The following CASP10 variants were observed in gnomAD, a reference collection of about 807,000 sequenced individuals.
The protein encoded by CASP10 is caspase-10.
Under a neutral mutation model 48.5 loss-of-function variants are expected in CASP10, and 41 were observed. The observed-to-expected ratio is 0.85, with a 90% CI of 0.66 to 1.10. The LOEUF is 1.10. CASP10 is among the 50% of genes least tolerant of loss of function. The pLI, the probability that CASP10 is intolerant of heterozygous loss-of-function variation, is 0.00. For missense variants in CASP10, 614 were observed against 614.5 expected, an observed-to-expected ratio of 1.00 and a Z score of 0.01; for synonymous variants, 232 against 238.4, an observed-to-expected ratio of 0.97 and a Z score of 0.25.
In CASP10 at chr2:201,195,840, A is replaced by G. The variant is rs765626187; in HGVS notation, c.578-2A>G. The G allele has an allele frequency of 6.2e-7, 1 of 1,604,656 alleles. No homozygotes were observed. The highest frequency in any genetic ancestry group is 1.1e-5 in the South Asian group (1 of 90,892). The stretch of plus-strand genomic sequence containing the variant: ...TTTTTCTGTCTGTGATTTTATTTTC[A>G]GCTATCCAGATAGTGACACCTCCTG... On this transcript the variant is annotated splice_acceptor_variant, in intron 4 of 9. Transcript: ENST00000286186. LOFTEE classifies it high-confidence loss of function.
chr2:201,209,845 A>G (rs1365216299), intron 9 of CASP10, among the ~76,000 whole-genome samples: 2 of 152,174 alleles, frequency 1.3e-5, no homozygotes, highest in African/African-American at 4.8e-5. Context: ...CTGGAAAGGA[A>G]GATACAGAGT....
At chr2:201,200,573 G>T (rs1944981030) in intron 5 of CASP10, 20 of 1,582,566 alleles carry the variant, frequency 1.3e-5, no homozygotes, top group Non-Finnish European at 1.7e-5. Context: ...ACATGACACA[G>T]AGCCGGGAGA....
At chr2:201,208,968 G>T in intron 8 of CASP10, 102 bp from the exon 9 acceptor site, 1 of 1,329,790 alleles carries the variant, frequency 7.5e-7, no homozygotes, top group Non-Finnish European at 1.0e-6. Flanking sequence ...GTGAGCCACT[G>T]TGCCCGGCCT....
In CASP10 at chr2:201,193,025, A is replaced by C; in HGVS notation, c.483A>C (p.Lys161Asn). ...TGGCATTTCTAGAGAAACAAGGTAA[A>C]ATAGATGAAGATAATCTGACATGCC... The part of the protein sequence containing the change: ...SFLAFLEKQG[K>N]IDEDNLTCLE... Residue 161 changes from lysine (K) to asparagine (N), a missense_variant, in exon 4 of 10, where the codon AAA becomes AAC. Physicochemically the swap from Lys to Asn is moderately conservative, Grantham distance 94. Coordinates refer to ENST00000286186, the MANE Select transcript of CASP10 (RefSeq NM_032977.4). 2.5e-6 allele frequency: 4 copies of C among 1,613,758 alleles called. No individual in the cohort carries two copies. Among genetic ancestry groups the C allele is most frequent in the Non-Finnish European group, 3.4e-6 (4 of 1,179,736 alleles).
chr2:201,185,997 G>A lies in CASP10; in HGVS notation c.220G>A (p.Glu74Lys), dbSNP rs1246385623. ...HLLAEDLLSE[E>K]DPFFLAELLY... ...CTTGGCAGAGGATCTGCTGAGTGAG[G>A]AAGACCCTTTCTTCCTGGCAGAACT... The change falls in exon 2 of 10, where the codon GAA (glutamate) becomes AAA (lysine). Residue 74 changes from glutamate to lysine, a missense_variant. By Grantham distance (56) the Glu-to-Lys change is moderately conservative. Coordinates refer to ENST00000286186, the MANE Select transcript of CASP10 (RefSeq NM_032977.4). 6.2e-7 allele frequency: 1 copy of A among 1,613,820 alleles called. No homozygotes were observed. Among genetic ancestry groups the A allele is most frequent in the Non-Finnish European group, 8.5e-7 (1 of 1,179,998 alleles).
downstream of CASP10, among the ~76,000 whole-genome samples, chr2:201,222,888 A>T (rs955749342): frequency 6.6e-6 from 1 of 152,186 alleles, no homozygotes; most frequent in Non-Finnish European, 1.5e-5. Context: ...TCATACAGGT[A>T]ATTTTTGTGC....
intron 2 of CASP10, 78 bp from the exon 3 acceptor site, chr2:201,187,628 T>C (rs932581115): frequency 7.8e-6 from 8 of 1,025,468 alleles, no homozygotes; most frequent in Non-Finnish European, 1.2e-5. Flanking sequence ...ACAGAAAACA[T>C]TTATGAAAGC....
chr2:201,187,848 TGATTA>T (rs768629542), intron 3 of CASP10, 49 bp downstream of exon 3: 1 of 1,320,006 alleles, frequency 7.6e-7, no homozygotes, highest in Admixed American at 1.7e-5. Context: ...TCTTAATCAA[TGATTA>T]GAAAGATGCT....
chr2:201,197,254 G>C (rs1191516306), intron 5 of CASP10, among the ~76,000 whole-genome samples: 1 of 151,950 alleles, frequency 6.6e-6, no homozygotes, highest in African/African-American at 2.4e-5. Context: ...TGAGATTACA[G>C]CCATGTACCA....
intron 5 of CASP10, chr2:201,200,653 C>G (rs1261395540): frequency 1.4e-6 from 2 of 1,418,212 alleles, no homozygotes; most frequent in African/African-American, 2.9e-5. Flanking sequence ...GAGGGAATCT[C>G]AGCTTTGGGA....
chr2:201,229,185 C>T (rs1224888507), exon 10 of CASP10: 42 of 1,435,598 alleles, frequency 2.9e-5, no homozygotes, highest in Non-Finnish European at 3.6e-5. Context: ...CACCACCTTG[C>T]GATTCTGCAG....
At chr2:201,194,105 G>A (rs1443996801) in intron 4 of CASP10, among the ~76,000 whole-genome samples, 3 of 151,932 alleles carry the variant, frequency 2.0e-5, no homozygotes, top group Non-Finnish European at 2.9e-5. Flanking sequence ...GTGTGTGTGT[G>A]TGTGTGTGTG....
rs41440351 is a variant in CASP10 at position 201,209,965 on chromosome 2, A to T, written c.1415+403A>T. Among the ~76,000 whole-genome samples the T allele has an allele frequency of 1.5e-3, 230 of 152,364 alleles. 3 individuals carry two copies. The highest frequency in any genetic ancestry group is 5.4e-3 in the African/African-American group (226 of 41,596). On this transcript the variant is annotated intron_variant, in intron 9 of 9. Coordinates refer to ENST00000286186, the MANE Select transcript of CASP10 (RefSeq NM_032977.4). ...CTGGTAAGTGCACATTGTGAAGTAT[A>T]GGTGTTATGGGAACATGCAGAATGA... is the stretch of plus-strand genomic sequence containing the variant.
Position 201,219,483 on chromosome 2 carries a change from A to G in CASP10, c.*1742A>G, listed in dbSNP as rs145632258. 162 of 985,460 alleles carry G rather than the reference A, an allele frequency of 1.6e-4. No individual in the cohort carries two copies. Among genetic ancestry groups the G allele is most frequent in the Non-Finnish European group, 1.8e-4 (148 of 829,950 alleles). The allele number at this position is 985,460 out of a possible 1,614,324, so 61.0% of individuals were successfully genotyped here. A position where few individuals can be genotyped will look rare whatever the true frequency, so the allele number is the denominator to read the frequency against. ...GGATGTCCTCAGGGCTGGCAGATGCAGTAGACTGCAGTGGACAGTCCCCAC... is the reference window on the plus strand; with the variant it reads ...GGATGTCCTCAGGGCTGGCAGATGCGGTAGACTGCAGTGGACAGTCCCCAC... On this transcript the variant is annotated 3_prime_UTR_variant, in exon 10 of 10. Transcript: ENST00000286186.
chr2:201,186,016 C>G lies in CASP10; in HGVS notation c.239C>G (p.Ala80Gly), dbSNP rs991951998. ...AGTGAGGAAGACCCTTTCTTCCTGG[C>G]AGAACTCCTCTATATCATACGGCAG... is the stretch of plus-strand genomic sequence containing the variant. ...LLSEEDPFFL[A>G]ELLYIIRQKK... The change falls in exon 2 of 10, where the codon GCA becomes GGA. Residue 80 changes from alanine (A) to glycine (G), a missense_variant. By Grantham distance (60) the Ala-to-Gly change is moderately conservative (BLOSUM62 0). Coordinates refer to ENST00000286186, the MANE Select transcript of CASP10 (RefSeq NM_032977.4). 6.2e-7 allele frequency: 1 copy of G among 1,613,290 alleles called. No individual in the cohort carries two copies. The highest frequency in any genetic ancestry group is 1.3e-5 in the African/African-American group (1 of 74,884).
Position 201,221,022 on chromosome 2 carries a change from C to T in CASP10, c.*3281C>T. On this transcript the variant is annotated 3_prime_UTR_variant, in exon 10 of 10. Coordinates refer to ENST00000286186, the MANE Select transcript of CASP10 (RefSeq NM_032977.4). The stretch of plus-strand genomic sequence containing the variant: ...TTGGGAAGACGAAAAAGAATGTGTC[C>T]TATGTGTGCATCTATTTAAATCTAA... 1 of 985,404 alleles carries T rather than the reference C, an allele frequency of 1.0e-6. No homozygotes were observed. The highest frequency in any genetic ancestry group is 1.2e-6 in the Non-Finnish European group (1 of 829,930). The allele number at this position is 985,404 out of a possible 1,614,324, so 61.0% of individuals were successfully genotyped here.
At chr2:201,188,294 C>G (rs1188553675) in intron 3 of CASP10, among the ~76,000 whole-genome samples, 1 of 152,134 alleles carries the variant, frequency 6.6e-6, no homozygotes, top group Non-Finnish European at 1.5e-5. Flanking sequence ...ATTCTCCTAC[C>G]TCAGCCTCCC....
At position 201,217,997 on chromosome 2, in the gene CASP10, T is replaced by C; in HGVS notation, c.*256T>C. The C allele has an allele frequency of 1.0e-6, 1 of 999,590 alleles. No individual in the cohort carries two copies. Among genetic ancestry groups the C allele is most frequent in the Non-Finnish European group, 1.3e-6 (1 of 752,114 alleles). The allele number at this position is 999,590 out of a possible 1,614,324, so 61.9% of individuals were successfully genotyped here. A position where few individuals can be genotyped will look rare whatever the true frequency, so the allele number is the denominator to read the frequency against. ...GGGGCAATCACGGCTCACTGTAGTC[T>C]CGACCTCCCAGGCTCAAGCTGTCCT... On this transcript the variant is annotated 3_prime_UTR_variant, in exon 10 of 10. Coordinates refer to ENST00000286186, the MANE Select transcript of CASP10 (RefSeq NM_032977.4).
intron 7 of CASP10, chr2:201,206,204 A>G (rs543383524): frequency 2.5e-4 from 106 of 424,130 alleles, no homozygotes; most frequent in African/African-American, 2.0e-3. Flanking sequence ...CTGTGGAGGA[A>G]ATGCTGTTAC....
Sources: allele counts gnomAD v4.1 joint callset (sites outside exome capture counted in the v4.1 genomes callset), GRCh38; gene constraint gnomAD v4.1.1; transcripts MANE v1.5; gene names NCBI Gene and HGNC (gene_info 2026-07-23, HGNC 2026-07-21).